TMEM123: variants seen among roughly 807,000 people sequenced by gnomAD.
The protein encoded by TMEM123 is transmembrane protein 123.
TMEM123 carries 16 observed loss-of-function variants against 19.7 expected under a neutral mutation model. That is an observed-to-expected ratio of 0.81 (90% CI 0.55 to 1.23). The LOEUF (loss-of-function observed/expected upper bound fraction) is 1.23. TMEM123 is among the 50% of genes most tolerant of loss of function. The probability of loss-of-function intolerance (pLI) is 0.00; values close to 1 mark genes in which losing one functional copy is unlikely to be tolerated. For missense variants in TMEM123, 313 were observed against 257.8 expected, an observed-to-expected ratio of 1.21 and a Z score of -1.47; for synonymous variants, 118 against 99.4, an observed-to-expected ratio of 1.19 and a Z score of -1.12.
At chr11:102,411,361 C>G (rs1952003298) in intron 2 of TMEM123, among the ~76,000 whole-genome samples, 1 of 152,154 alleles carries the variant, frequency 6.6e-6, no homozygotes, top group Non-Finnish European at 1.5e-5. Context: ...AGACCTTACC[C>G]TAACCATCTC....
At chr11:102,412,256 AC>A (rs1395699297) in intron 2 of TMEM123, among the ~76,000 whole-genome samples, 1 of 152,070 alleles carries the variant, frequency 6.6e-6, no homozygotes, top group Non-Finnish European at 1.5e-5. Flanking sequence ...ACATGGTGAA[AC>A]CCTGTCTCTA....
chr11:102,402,028 T>C lies in TMEM123; in HGVS notation c.336A>G (p.Leu112=). 1 of 1,613,896 alleles carries C rather than the reference T, an allele frequency of 6.2e-7. No individual in the cohort carries two copies. Among genetic ancestry groups the C allele is most frequent in the Non-Finnish European group, 8.5e-7 (1 of 1,179,938 alleles). ...MVSTNMTSTT[L]KSTPKTTSVS... is the part of the protein sequence containing the mutation. ...CACTTGTTGTTTTGGGTGTAGACTT[T>C]AAGGTGGTAGAAGTCATATTTGTTG... The change falls in exon 3 of 5, where the codon TTA becomes TTG. Residue 112 remains leucine (L), a synonymous_variant. Transcript: ENST00000398136.
rs1591561656 is a variant in TMEM123, at chr11:102,428,068, T to C, written c.157+20744A>G. Reference sequence around the variant, plus strand: ...AAAAGTGATTTAACCAGGCCATGCATGGAGTCTAGAGAGGTCTGAATTGTC... The same window carrying C: ...AAAAGTGATTTAACCAGGCCATGCACGGAGTCTAGAGAGGTCTGAATTGTC... On this transcript the variant is annotated intron_variant, in intron 2 of 4. Coordinates refer to ENST00000398136, the MANE Select transcript of TMEM123 (RefSeq NM_052932.3). Among the ~76,000 whole-genome samples, 2 of 152,166 alleles carry C rather than the reference T, an allele frequency of 1.3e-5. 1 individual carries two copies. Among genetic ancestry groups the C allele is most frequent in the South Asian group, 4.1e-4 (2 of 4,832 alleles).
intron 2 of TMEM123, among the ~76,000 whole-genome samples, chr11:102,436,745 A>C (rs1191643979): frequency 6.8e-6 from 1 of 147,442 alleles, no homozygotes; most frequent in Non-Finnish European, 1.5e-5. Context: ...TTTTAGTCTG[A>C]AAGAAGGAAG....
chr11:102,410,708 T>C (rs1951997169), intron 2 of TMEM123, among the ~76,000 whole-genome samples: 1 of 152,040 alleles, frequency 6.6e-6, no homozygotes, highest in South Asian at 2.1e-4. Context: ...TGTCTTTCCA[T>C]AGGCTGGTTT....
At chr11:102,401,133 T>C (rs1021424112) in intron 4 of TMEM123, among the ~76,000 whole-genome samples, 5 of 152,186 alleles carry the variant, frequency 3.3e-5, no homozygotes, top group African/African-American at 9.7e-5. Flanking sequence ...TTTTTTGTCT[T>C]TGTCGTGGAA....
At chr11:102,400,730 C>T (rs1270511552) in intron 4 of TMEM123, among the ~76,000 whole-genome samples, 1 of 152,200 alleles carries the variant, frequency 6.6e-6, no homozygotes, top group African/African-American at 2.4e-5. Flanking sequence ...AGAACTAGCT[C>T]GCCTTCTTTC....
At position 102,410,250 on chromosome 11, in the gene TMEM123, C is replaced by A. The variant is rs371735264; in HGVS notation, c.158-8044G>T. ...CTTAAGGACGATGAGAACTAACAAC[C>A]GAGACATAGTTCAGGTCTGTGTAAG... On this transcript the variant is annotated intron_variant, in intron 2 of 4. Coordinates refer to ENST00000398136, the MANE Select transcript of TMEM123 (RefSeq NM_052932.3). Among the ~76,000 whole-genome samples the A allele has an allele frequency of 2.0e-5, 3 of 150,946 alleles. No homozygotes were observed. The South Asian group carries it at 6.2e-4, about 31-fold the overall frequency.
chr11:102,419,437 AAGG>A (rs1223403884), intron 2 of TMEM123, among the ~76,000 whole-genome samples: 1 of 152,230 alleles, frequency 6.6e-6, no homozygotes, highest in East Asian at 1.9e-4. Context: ...AAACCTCCAG[AAGG>A]AGTTTTAAAT....
intron 2 of TMEM123, among the ~76,000 whole-genome samples, chr11:102,425,708 C>T (rs369098740): frequency 1.3e-4 from 19 of 151,782 alleles, no homozygotes; most frequent in African/African-American, 4.1e-4. Context: ...TTCACCCACC[C>T]GAGAAGCTGA....
At chr11:102,432,661 C>T (rs1312205173) in intron 2 of TMEM123, among the ~76,000 whole-genome samples, 1 of 152,238 alleles carries the variant, frequency 6.6e-6, no homozygotes, top group African/African-American at 2.4e-5. Context: ...ATGTTAACCA[C>T]CAAAAGACAA....
chr11:102,415,696 A>G (rs1952038961), intron 2 of TMEM123, among the ~76,000 whole-genome samples: 1 of 152,226 alleles, frequency 6.6e-6, no homozygotes, highest in Non-Finnish European at 1.5e-5. Context: ...GAAAGTTTAC[A>G]GCTCTAAATG....
At chr11:102,407,543 G>A (rs1673037091) in intron 2 of TMEM123, among the ~76,000 whole-genome samples, 2 of 152,200 alleles carry the variant, frequency 1.3e-5, no homozygotes, top group African/African-American at 4.8e-5. Context: ...TTTGGAGAGA[G>A]AATCTTTACA....
intron 2 of TMEM123, among the ~76,000 whole-genome samples, chr11:102,444,009 G>C (rs1235459822): frequency 1.3e-5 from 2 of 152,164 alleles, no homozygotes; most frequent in Admixed American, 6.5e-5. Flanking sequence ...CCATCTCACA[G>C]CAGTTACAAT....
At chr11:102,439,101 G>A (rs1857796942) in intron 2 of TMEM123, among the ~76,000 whole-genome samples, 1 of 152,202 alleles carries the variant, frequency 6.6e-6, no homozygotes, top group African/African-American at 2.4e-5. Flanking sequence ...AGCTCGAACT[G>A]GGTGGAGCCC....
At chr11:102,445,269 T>C (rs940347509) in intron 2 of TMEM123, among the ~76,000 whole-genome samples, 5 of 152,242 alleles carry the variant, frequency 3.3e-5, no homozygotes, top group African/African-American at 7.2e-5. Context: ...CTATGAATTC[T>C]TTAGTTAGAA....
At position 102,398,709 on chromosome 11, in the gene TMEM123, G is replaced by T; in HGVS notation, c.*158C>A. 1 of 711,720 alleles carries T rather than the reference G, an allele frequency of 1.4e-6. No homozygotes were observed. The highest frequency in any genetic ancestry group is 2.3e-6 in the Non-Finnish European group (1 of 442,248). The allele number at this position is 711,720 out of a possible 1,614,324, so 44.1% of individuals were successfully genotyped here. A position where few individuals can be genotyped will look rare whatever the true frequency, so the allele number is the denominator to read the frequency against. On this transcript the variant is annotated 3_prime_UTR_variant, in exon 5 of 5. Coordinates refer to ENST00000398136, the MANE Select transcript of TMEM123 (RefSeq NM_052932.3). ...TCAAAACCCAAACCCTTGTTACCTT[G>T]AAGAATCTTTACATATTTACGTAAT...
At chr11:102,449,123 A>G in intron 1 of TMEM123, 1 of 353,392 alleles carries the variant, frequency 2.8e-6, no homozygotes, top group African/African-American at 2.1e-5. Context: ...ACTATATACC[A>G]GCCACCGAAT....
intron 3 of TMEM123, 98 bp from the exon 4 acceptor site, chr11:102,401,790 T>C: frequency 6.7e-7 from 1 of 1,495,956 alleles, no homozygotes; most frequent in South Asian, 1.4e-5. Context: ...GAACATTTAA[T>C]TAGGAATTAA....
Sources: gnomAD v4.1 joint callset for allele counts (sites outside exome capture counted in the v4.1 genomes callset) on GRCh38, gnomAD v4.1.1 for gene constraint, MANE v1.5 for transcripts, NCBI Gene and HGNC (gene_info 2026-07-23, HGNC 2026-07-21) for gene names.